PACRG: variants seen among roughly 807,000 people sequenced by gnomAD.
The protein encoded by PACRG is parkin coregulated.
In PACRG, 29 loss-of-function variants were observed where a neutral mutation model predicts 29.7. The ratio of observed to expected loss-of-function variants is 0.98; its 90% CI spans 0.73 to 1.33. The LOEUF is 1.33. PACRG is among the 40% of genes most tolerant of loss of function. The pLI is 0.00. For synonymous variants in PACRG, 116 were observed against 118.7 expected, an observed-to-expected ratio of 0.98 and a Z score of 0.15; for missense variants, 279 against 316.2, an observed-to-expected ratio of 0.88 and a Z score of 0.89.
At chr6:163,095,283 T>TG (rs1322691935) in intron 4 of PACRG, 1 of 984,976 alleles carries the variant, frequency 1.0e-6, no homozygotes, top group African/African-American at 1.8e-5. Flanking sequence ...ATCAGGGGAG[T>TG]GGGGTCAGTC....
At chr6:163,084,870 T>TAATATA (rs1554355551) in intron 3 of PACRG, among the ~76,000 whole-genome samples, 28 of 81,818 alleles carry the variant, frequency 3.4e-4, no homozygotes, top group East Asian at 2.3e-3. Context: ...AATATATATA[T>TAATATA]TATATTATAT....
At chr6:162,905,556 C>T (rs1795873391) in intron 2 of PACRG, among the ~76,000 whole-genome samples, 1 of 152,094 alleles carries the variant, frequency 6.6e-6, no homozygotes, top group South Asian at 2.1e-4. Flanking sequence ...TCAGGAGGAC[C>T]AAAACCCAAA....
At position 162,748,297 on chromosome 6, in the gene PACRG, T is replaced by C. The variant is rs115624518; in HGVS notation, c.156+19906T>C. Reference sequence around the variant, plus strand: ...CCTGAGGTCAGGAGTTTGAAACCAGTCTGGCCATCGTGGTGAAACCCCGTC... The same window carrying C: ...CCTGAGGTCAGGAGTTTGAAACCAGCCTGGCCATCGTGGTGAAACCCCGTC... On this transcript the variant is annotated intron_variant, in intron 1 of 4. Coordinates refer to ENST00000366888, the MANE Select transcript of PACRG (RefSeq NM_001080379.2). Among the ~76,000 whole-genome samples, 1,069 of 152,124 alleles carry C rather than the reference T, an allele frequency of 7.0e-3. 5 individuals are homozygous for C. Among genetic ancestry groups the C allele is most frequent in the African/African-American group, 0.025 (1,022 of 41,506 alleles).
chr6:163,001,852 A>G (rs964354173), intron 2 of PACRG, among the ~76,000 whole-genome samples: 3 of 152,174 alleles, frequency 2.0e-5, no homozygotes, highest in Admixed American at 6.6e-5. Flanking sequence ...AAGACAGAAC[A>G]TTATTATATA....
At chr6:163,283,923 G>A (rs1784305481) in intron 4 of PACRG, among the ~76,000 whole-genome samples, 1 of 152,082 alleles carries the variant, frequency 6.6e-6, no homozygotes, top group South Asian at 2.1e-4. Context: ...AGGCCAGCTT[G>A]ACCAATGTGG....
intron 3 of PACRG, among the ~76,000 whole-genome samples, chr6:163,082,240 G>A (rs1052643296): frequency 1.3e-5 from 2 of 152,002 alleles, no homozygotes; most frequent in African/African-American, 4.8e-5. Context: ...CTTTTCCAAG[G>A]AACTTAAAGA....
At chr6:163,280,863 G>T (rs1784203092) in intron 4 of PACRG, among the ~76,000 whole-genome samples, 1 of 152,136 alleles carries the variant, frequency 6.6e-6, no homozygotes, top group Non-Finnish European at 1.5e-5. Context: ...CCACACTGGG[G>T]GTTAGGACTT....
At chr6:163,019,527 C>T (rs113063782) in intron 2 of PACRG, among the ~76,000 whole-genome samples, 94 of 152,246 alleles carry the variant, frequency 6.2e-4, no homozygotes, top group Non-Finnish European at 1.1e-3. Flanking sequence ...TTTCAGACCT[C>T]GTCACCACCC....
At chr6:162,869,014 C>T (rs2127991331) in intron 2 of PACRG, among the ~76,000 whole-genome samples, 1 of 152,330 alleles carries the variant, frequency 6.6e-6, no homozygotes, top group Non-Finnish European at 1.5e-5. Flanking sequence ...GGGACGATGA[C>T]ATGTGCATCC....
chr6:163,288,918 C>T (rs186674788), intron 4 of PACRG, among the ~76,000 whole-genome samples: 8 of 152,294 alleles, frequency 5.3e-5, no homozygotes, highest in African/African-American at 1.2e-4. Context: ...TATTCAGATG[C>T]GGCCCTTCCT....
At chr6:162,912,901 G>T (rs1796406934) in intron 2 of PACRG, among the ~76,000 whole-genome samples, 1 of 147,610 alleles carries the variant, frequency 6.8e-6, no homozygotes, top group Non-Finnish European at 1.5e-5. Flanking sequence ...TACATGTGTA[G>T]TAAAATCCAA....
chr6:162,735,297 CT>C (rs1780080696), intron 1 of PACRG, among the ~76,000 whole-genome samples: 1 of 152,146 alleles, frequency 6.6e-6, no homozygotes, highest in South Asian at 2.1e-4. Context: ...GCTTGTTTGG[CT>C]TTAGTAACTA....
chr6:162,939,676 C>CGT lies in PACRG; in HGVS notation c.292-122449_292-122448dup, dbSNP rs56193057. ...TTAATTTTACATCTCCTGTATTTGA[C>CGT]GTGTGTGTGTGTGTGTGTGTGTGTG... On this transcript the variant is annotated intron_variant, in intron 2 of 4. Coordinates refer to ENST00000366888, the MANE Select transcript of PACRG (RefSeq NM_001080379.2). Among the ~76,000 whole-genome samples, 1,481 of 149,426 alleles carry CGT rather than the reference C, an allele frequency of 9.9e-3. 15 individuals are homozygous for CGT. The highest frequency in any genetic ancestry group is 0.031 in the African/African-American group (1,256 of 40,786).
intron 4 of PACRG, among the ~76,000 whole-genome samples, chr6:163,191,390 C>G (rs887709381): frequency 6.6e-6 from 1 of 152,130 alleles, no homozygotes; most frequent in Non-Finnish European, 1.5e-5. Context: ...TTCTCTGACC[C>G]CCACACCTTT....
At chr6:163,244,765 A>G (rs1782630013) in intron 4 of PACRG, among the ~76,000 whole-genome samples, 1 of 152,252 alleles carries the variant, frequency 6.6e-6, no homozygotes, top group South Asian at 2.1e-4. Flanking sequence ...TTGGGAGAAT[A>G]AAAGTGAGCA....
intron 4 of PACRG, among the ~76,000 whole-genome samples, chr6:163,112,730 A>C (rs1305894550): frequency 4.6e-5 from 7 of 152,230 alleles, no homozygotes; most frequent in African/African-American, 1.7e-4. Context: ...AACAGCACAG[A>C]TACAACAGAG....
intron 2 of PACRG, among the ~76,000 whole-genome samples, chr6:162,963,143 T>A (rs6918850): frequency 0.16 from 23,718 of 152,188 alleles, 3,247 homozygotes; most frequent in African/African-American, 0.36. Flanking sequence ...AATTAATTGC[T>A]TATAAAAACT....
At chr6:162,727,719 G>C, upstream of PACRG, 1 of 1,547,686 alleles carries the variant, frequency 6.5e-7, no homozygotes, top group African/African-American at 1.4e-5. Context: ...CATGCGCGCA[G>C]CGGCGCCAGC....
At chr6:162,834,887 T>A (rs932586265) in intron 2 of PACRG, among the ~76,000 whole-genome samples, 1 of 152,128 alleles carries the variant, frequency 6.6e-6, no homozygotes, top group Non-Finnish European at 1.5e-5. Flanking sequence ...TAATAAAATT[T>A]GAAACCAAAG....
Sources: allele counts gnomAD v4.1 joint callset (sites outside exome capture counted in the v4.1 genomes callset), GRCh38; gene constraint gnomAD v4.1.1; transcripts MANE v1.5; gene names NCBI Gene and HGNC (gene_info 2026-07-23, HGNC 2026-07-21).